The following DPF3 variants were observed in gnomAD, a reference collection of about 807,000 sequenced individuals.
The protein encoded by DPF3 is zinc finger protein DPF3.
DPF3 carries 18 observed loss-of-function variants against 56.8 expected under a neutral mutation model. The observed-to-expected ratio is 0.32, with a 90% CI of 0.22 to 0.47. The LOEUF (loss-of-function observed/expected upper bound fraction) is 0.47, where lower values mean the gene tolerates loss of function less well. Among genes scored for constraint, DPF3 ranks in the 20% least tolerant of loss-of-function variants. DPF3 has a pLI of 1.00. For missense variants in DPF3, 403 were observed against 488.8 expected (o/e 0.82, Z 1.65); for synonymous variants, 188 against 180.2 (o/e 1.04, Z -0.35).
At chr14:72,885,149 A>C (rs1276526349) in intron 1 of DPF3, among the ~76,000 whole-genome samples, 3 of 141,542 alleles carry the variant, frequency 2.1e-5, no homozygotes, top group African/African-American at 7.7e-5. Context: ...AGGAAGGGGG[A>C]TATGAGGGGA....
At chr14:72,875,112 A>G (rs1599516811) in intron 1 of DPF3, among the ~76,000 whole-genome samples, 2 of 152,214 alleles carry the variant, frequency 1.3e-5, no homozygotes. Context: ...ACTATCACAA[A>G]AATAGCATGG....
intron 5 of DPF3, among the ~76,000 whole-genome samples, chr14:72,715,153 G>C (rs1384172006): frequency 6.6e-6 from 1 of 152,206 alleles, no homozygotes; most frequent in Admixed American, 6.5e-5. Flanking sequence ...TCCCTGTGTG[G>C]TCTGCCTTGG....
chr14:72,681,082 G>A (rs923802597), intron 7 of DPF3, among the ~76,000 whole-genome samples: 1 of 152,166 alleles, frequency 6.6e-6, no homozygotes, highest in Admixed American at 6.5e-5. Flanking sequence ...CCTTCACTGC[G>A]GTATCCCTGG....
intron 3 of DPF3, among the ~76,000 whole-genome samples, chr14:72,743,003 T>C (rs1890190090): frequency 6.6e-6 from 1 of 152,162 alleles, no homozygotes; most frequent in Non-Finnish European, 1.5e-5. Context: ...TGGGACACCT[T>C]AAGCCACTGT....
chr14:72,661,397 T>C, intron 8 of DPF3: 1 of 985,356 alleles, frequency 1.0e-6, no homozygotes, highest in Non-Finnish European at 1.2e-6. Flanking sequence ...AGTAACACTG[T>C]GACTCAAGGA....
chr14:72,892,146 C>T (rs948624721), intron 1 of DPF3: 51 of 1,533,906 alleles, frequency 3.3e-5, no homozygotes, highest in Non-Finnish European at 4.1e-5. Flanking sequence ...AGGAAACAAA[C>T]CTGGTGCACA....
chr14:72,740,447 G>A (rs1164356493), intron 3 of DPF3, among the ~76,000 whole-genome samples: 1 of 152,158 alleles, frequency 6.6e-6, no homozygotes, highest in Non-Finnish European at 1.5e-5. Context: ...GCACGATATG[G>A]ACAGAGCTCT....
At chr14:72,747,870 T>C (rs898284394) in intron 3 of DPF3, among the ~76,000 whole-genome samples, 5 of 152,214 alleles carry the variant, frequency 3.3e-5, no homozygotes, top group African/African-American at 1.2e-4. Flanking sequence ...ATGTAAGATG[T>C]GGCTTGCTCC....
intron 2 of DPF3, among the ~76,000 whole-genome samples, chr14:72,767,597 G>A (rs1243544130): frequency 1.3e-5 from 2 of 152,016 alleles, no homozygotes; most frequent in Admixed American, 1.3e-4. Context: ...CTGAGCAACA[G>A]AGAGAAGAAT....
intron 1 of DPF3, among the ~76,000 whole-genome samples, chr14:72,839,013 C>T (rs1169355708): frequency 2.8e-5 from 4 of 145,106 alleles, no homozygotes; most frequent in Non-Finnish European, 4.5e-5. Flanking sequence ...CTCTGCCTCC[C>T]GGGCTCAAGC....
At chr14:72,745,146 C>T (rs1279578000) in intron 3 of DPF3, among the ~76,000 whole-genome samples, 1 of 152,170 alleles carries the variant, frequency 6.6e-6, no homozygotes, top group African/African-American at 2.4e-5. Flanking sequence ...TTCTTTCCAA[C>T]ATAACTCAGC....
chr14:72,771,852 C>A lies in DPF3; in HGVS notation c.74G>T (p.Arg25Leu). 6.2e-7 allele frequency: 1 copy of A among 1,610,056 alleles called. No individual in the cohort carries two copies. Among genetic ancestry groups the A allele is most frequent in the South Asian group, 1.1e-5 (1 of 90,560 alleles). ...QFYKEAIEHCRSYNSRLCAER... is the reference protein window; with the variant it reads ...QFYKEAIEHCLSYNSRLCAER... ...TGCACACAGCCGTGAGTTGTAACTC[C>A]GGCAGTGCTCAATGGCTTCCTTGTA... Residue 25 changes from arginine (R) to leucine (L), a missense_variant, in exon 2 of 11, where the codon CGG becomes CTG. Physicochemically the swap from Arg to Leu is moderately radical, Grantham distance 102. Transcript: ENST00000556509.
chr14:72,677,879 C>T (rs1471856779), intron 7 of DPF3, among the ~76,000 whole-genome samples: 1 of 152,122 alleles, frequency 6.6e-6, no homozygotes, highest in Non-Finnish European at 1.5e-5. Context: ...CTGCACCAAA[C>T]ACACAAGAAC....
Position 72,723,746 on chromosome 14 carries a change from AATAG to A in DPF3, c.430-22_430-19del. The A allele has an allele frequency of 6.4e-7, 1 of 1,572,686 alleles. No homozygotes were observed. The highest frequency in any genetic ancestry group is 1.2e-5 in the South Asian group (1 of 83,174). On this transcript the variant is annotated intron_variant, in intron 4 of 10. Coordinates refer to ENST00000556509, the MANE Select transcript of DPF3 (RefSeq NM_001280542.3). ...AAAACCCTCTGAAATGAAAAAAAAA[AATAG>A]AAAAGGTGAGAAACGAAATGCAAAG...
At chr14:72,730,572 C>T (rs544989896) in intron 4 of DPF3, among the ~76,000 whole-genome samples, 37 of 151,822 alleles carry the variant, frequency 2.4e-4, no homozygotes, top group Non-Finnish European at 4.7e-4. Flanking sequence ...CCCTGGCTAT[C>T]GATGGAACTT....
intron 6 of DPF3, among the ~76,000 whole-genome samples, chr14:72,709,635 T>C (rs1888569410): frequency 1.3e-5 from 2 of 152,048 alleles, no homozygotes; most frequent in Non-Finnish European, 2.9e-5. Flanking sequence ...TAAGGGGCAG[T>C]TAGTATGGAA....
intron 3 of DPF3, among the ~76,000 whole-genome samples, chr14:72,735,593 C>T (rs1218674523): frequency 6.6e-6 from 1 of 152,210 alleles, no homozygotes; most frequent in Non-Finnish European, 1.5e-5. Context: ...AAGTGAAGCA[C>T]AGAAAGATAT....
At chr14:72,853,034 C>CGTGTGTGTGTGTGTGTGTGTGT (rs10522943) in intron 1 of DPF3, among the ~76,000 whole-genome samples, 4,471 of 143,944 alleles carry the variant, frequency 0.031, 194 homozygotes, top group East Asian at 0.085. Flanking sequence ...CATAGCCTTG[C>CGTGTGTGTGTGTGTGTGTGTGT]GTGTGTGTGT....
intron 2 of DPF3, among the ~76,000 whole-genome samples, chr14:72,765,339 G>C (rs1313098345): frequency 1.3e-5 from 2 of 152,146 alleles, no homozygotes; most frequent in Non-Finnish European, 2.9e-5. Context: ...AAAAGAGCTT[G>C]GCAGTTTCTT....
Sources: gnomAD v4.1 joint callset for allele counts (sites outside exome capture counted in the v4.1 genomes callset) on GRCh38, gnomAD v4.1.1 for gene constraint, MANE v1.5 for transcripts, NCBI Gene and HGNC (gene_info 2026-07-23, HGNC 2026-07-21) for gene names.